Variants in ZNF251 observed in about 807,000 individuals in gnomAD.
ZNF251 encodes zinc finger protein 251.
In ZNF251, 14 loss-of-function variants were observed where a neutral mutation model predicts 13.5. The ratio of observed to expected loss-of-function variants is 1.04; its 90% confidence interval spans 0.69 to 1.63. ZNF251 has a LOEUF of 1.63. Among genes scored for constraint, ZNF251 ranks in the 40% most tolerant of loss-of-function variants. The probability of loss-of-function intolerance (pLI) is 0.00; values close to 1 mark genes in which losing one functional copy is unlikely to be tolerated. For synonymous variants in ZNF251, 287 were observed against 295.2 expected (o/e 0.97, Z 0.28); for missense variants, 764 against 834.9 (o/e 0.92, Z 1.05).
rs747323935 is a variant in ZNF251 at position 144,741,378 on chromosome 8, ACACT to A, written c.277+12301_277+12304del. On this transcript the variant is annotated intron_variant, in intron 4 of 4. Coordinates refer to ENST00000292562, the MANE Select transcript of ZNF251 (RefSeq NM_138367.2). ...CACACACTCATACACACACTCACACACACTCACATGCGTAAACATGTACATACAC... is the reference window on the plus strand; with the variant it reads ...CACACACTCATACACACACTCACACACACATGCGTAAACATGTACATACAC... Among the ~76,000 whole-genome samples the A allele has an allele frequency of 2.1e-3, 324 of 152,326 alleles. 1 individual carries two copies. Among genetic ancestry groups the A allele is most frequent in the Non-Finnish European group, 2.9e-3 (195 of 68,022 alleles).
chr8:144,736,782 G>A (rs979975424), intron 4 of ZNF251, among the ~76,000 whole-genome samples: 7 of 151,576 alleles, frequency 4.6e-5, no homozygotes, highest in Non-Finnish European at 8.8e-5. Context: ...GTGAGCCACC[G>A]TGCCCGGCCT....
chr8:144,749,827 T>G (rs886279635), intron 4 of ZNF251, among the ~76,000 whole-genome samples: 7 of 151,874 alleles, frequency 4.6e-5, no homozygotes, highest in Non-Finnish European at 1.0e-4. Flanking sequence ...GGTTATGGTG[T>G]TTTTGGTCTC....
intron 4 of ZNF251, among the ~76,000 whole-genome samples, chr8:144,732,580 A>G (rs1289654910): frequency 6.6e-6 from 1 of 151,994 alleles, no homozygotes; most frequent in Non-Finnish European, 1.5e-5. Context: ...GGGGAGGCCA[A>G]GGCGGGGGAA....
chr8:144,752,649 C>A (rs1050065700), intron 4 of ZNF251, among the ~76,000 whole-genome samples: 28 of 152,216 alleles, frequency 1.8e-4, no homozygotes, highest in Middle Eastern at 6.8e-3. Flanking sequence ...ATATTTTTCA[C>A]GAGCCTTTCT....
chr8:144,724,288 A>G (rs2953894), intron 4 of ZNF251, among the ~76,000 whole-genome samples: 4 of 148,176 alleles, frequency 2.7e-5, no homozygotes, highest in African/African-American at 1.0e-4. Context: ...AAAAAAAAAG[A>G]ATTAAAGCAA....
chr8:144,753,639 G>C, intron 4 of ZNF251, 44 bp downstream of exon 4: 2 of 1,489,158 alleles, frequency 1.3e-6, no homozygotes, highest in Non-Finnish European at 9.1e-7. Flanking sequence ...CTTAAGGCAG[G>C]ATTGGGAGGC....
At chr8:144,743,360 G>A (rs763572212) in intron 4 of ZNF251, among the ~76,000 whole-genome samples, 2 of 152,140 alleles carry the variant, frequency 1.3e-5, no homozygotes, top group Non-Finnish European at 2.9e-5. Flanking sequence ...CACCGTGCCC[G>A]GCCAATCATT....
chr8:144,740,064 TC>T (rs1218392942), intron 4 of ZNF251, among the ~76,000 whole-genome samples: 1 of 151,972 alleles, frequency 6.6e-6, no homozygotes, highest in Admixed American at 6.5e-5. Context: ...GGCGGGCAGA[TC>T]ACCTGAGGTC....
chr8:144,735,358 G>T (rs1823847647), intron 4 of ZNF251, among the ~76,000 whole-genome samples: 3 of 148,518 alleles, frequency 2.0e-5, no homozygotes, highest in African/African-American at 7.6e-5. Flanking sequence ...TTGCAGCCTG[G>T]GCAACAGAGC....
intron 4 of ZNF251, among the ~76,000 whole-genome samples, chr8:144,728,375 G>A (rs1484757149): frequency 3.3e-5 from 5 of 151,994 alleles, no homozygotes; most frequent in Admixed American, 2.0e-4. Context: ...ATAAAAAAAA[G>A]GTTTGAGGCC....
intron 3 of ZNF251, 41 bp from the exon 4 acceptor site, chr8:144,753,837 T>C (rs1824821105): frequency 6.8e-7 from 1 of 1,476,418 alleles, no homozygotes; most frequent in African/African-American, 1.4e-5. Context: ...CATGGCCCAC[T>C]GGGCCTTCCA....
intron 3 of ZNF251, 60 bp downstream of exon 3, chr8:144,754,132 A>G: frequency 1.9e-6 from 3 of 1,561,696 alleles, no homozygotes; most frequent in Non-Finnish European, 2.6e-6. Context: ...GAGCCAAAGC[A>G]GCCTCCCAAG....
chr8:144,748,013 G>A (rs1824510378), intron 4 of ZNF251, among the ~76,000 whole-genome samples: 5 of 152,102 alleles, frequency 3.3e-5, no homozygotes, highest in Admixed American at 2.6e-4. Flanking sequence ...GGGCTCAAGC[G>A]ATCTGCCCTT....
chr8:144,732,667 C>T (rs1563758869), intron 4 of ZNF251, among the ~76,000 whole-genome samples: 1 of 151,990 alleles, frequency 6.6e-6, no homozygotes, highest in South Asian at 2.1e-4. Flanking sequence ...AAAAAATTAG[C>T]TGGGTGTGGT....
At chr8:144,748,735 T>A (rs1432942739) in intron 4 of ZNF251, among the ~76,000 whole-genome samples, 1 of 152,154 alleles carries the variant, frequency 6.6e-6, no homozygotes, top group Non-Finnish European at 1.5e-5. Flanking sequence ...CTAATTTTTT[T>A]AACTTTTTGA....
At chr8:144,751,928 A>G (rs1824712637) in intron 4 of ZNF251, among the ~76,000 whole-genome samples, 1 of 152,150 alleles carries the variant, frequency 6.6e-6, no homozygotes, top group South Asian at 2.1e-4. Context: ...TAGATAAAAT[A>G]TATTTCAAAA....
intron 4 of ZNF251, among the ~76,000 whole-genome samples, chr8:144,750,109 T>A (rs550368538): frequency 6.6e-6 from 1 of 152,206 alleles, no homozygotes; most frequent in East Asian, 1.9e-4. Flanking sequence ...ATCATAGTTT[T>A]AAAAAAATAC....
At position 144,723,049 on chromosome 8, in the gene ZNF251, G is replaced by A. The variant is rs1425299587; in HGVS notation, c.611C>T (p.Thr204Ile). The A allele has an allele frequency of 1.9e-6, 3 of 1,613,866 alleles. No individual in the cohort carries two copies. Among genetic ancestry groups the A allele is most frequent in the Admixed American group, 1.7e-5 (1 of 59,992 alleles). The part of the protein sequence containing the change: ...QNVVRLQRNK[T>I]GERVFKCDIC... ...ATCACATTTAAAGACCCTCTCTCCT[G>A]TTTTATTTCTTTGAAGTCTAACAAC... Residue 204 changes from threonine (T) to isoleucine (I), a missense_variant, in exon 5 of 5, where the codon ACA becomes ATA. Physicochemically the swap from Thr to Ile is moderately conservative, Grantham distance 89. Coordinates refer to ENST00000292562, the MANE Select transcript of ZNF251 (RefSeq NM_138367.2).
chr8:144,732,603 G>C (rs761950442), intron 4 of ZNF251, among the ~76,000 whole-genome samples: 8 of 150,994 alleles, frequency 5.3e-5, no homozygotes, highest in Non-Finnish European at 1.0e-4. Context: ...ACGAGGTCAG[G>C]AGATGGAGAC....
Sources: allele counts gnomAD v4.1 joint callset (sites outside exome capture counted in the v4.1 genomes callset), GRCh38; gene constraint gnomAD v4.1.1; transcripts MANE v1.5; gene names NCBI Gene and HGNC (gene_info 2026-07-23, HGNC 2026-07-21).